The following C10orf53 variants were observed in gnomAD, a reference collection of about 807,000 sequenced individuals.
The protein encoded by C10orf53 is chromosome 10 open reading frame 53, also known as UPF0728 protein C10orf53.
In C10orf53, 8 loss-of-function variants were observed where a neutral mutation model predicts 9.4. That is an observed-to-expected ratio of 0.85 (90% CI 0.50 to 1.53). The LOEUF (loss-of-function observed/expected upper bound fraction) is 1.53. C10orf53 is among the 40% of genes most tolerant of loss of function. The pLI, the probability that C10orf53 is intolerant of heterozygous loss-of-function variation, is 0.00. For synonymous variants in C10orf53, 48 were observed against 46.0 expected (o/e 1.04, Z -0.18); for missense variants, 117 against 117.8 (o/e 0.99, Z 0.03).
At chr10:49,692,305 C>T (rs1381708032) in intron 1 of C10orf53, among the ~76,000 whole-genome samples, 1 of 152,178 alleles carries the variant, frequency 6.6e-6, no homozygotes, top group Non-Finnish European at 1.5e-5. Flanking sequence ...CTATGGGTAC[C>T]CAGGGAGTGC....
chr10:49,699,085 C>T (rs75613593), downstream of C10orf53, among the ~76,000 whole-genome samples: 6,263 of 151,668 alleles, frequency 0.041, 317 homozygotes, highest in East Asian at 0.21. Flanking sequence ...TGCTTTTTGG[C>T]CAACAGTAAA....
Position 49,694,587 on chromosome 10 carries a change from G to T in C10orf53, c.267G>T (p.Val89=), listed in dbSNP as rs781106770. ...DPLCEKARIA[V]LNAY is the part of the protein sequence containing the mutation. ...TGTGTGAAAAGGCCAGGATAGCCGT[G>T]CTGAATGCCTACTGATCTCCTCATG... The change falls in exon 3 of 3, where the codon GTG becomes GTT. Residue 89 remains valine (V), a synonymous_variant. Coordinates refer to ENST00000374111, the MANE Select transcript of C10orf53 (RefSeq NM_001042427.3). 2.1e-5 allele frequency: 34 copies of T among 1,614,246 alleles called. No individual in the cohort carries two copies. The highest frequency in any genetic ancestry group is 2.8e-5 in the Non-Finnish European group (33 of 1,180,036).
chr10:49,698,951 G>A (rs1427340790), downstream of C10orf53, among the ~76,000 whole-genome samples: 4 of 152,136 alleles, frequency 2.6e-5, no homozygotes, highest in Non-Finnish European at 5.9e-5. Flanking sequence ...GGCTAACAGC[G>A]GTGGCGGCAG....
At chr10:49,703,725 C>T (rs560757571) in intron 2 of C10orf53, among the ~76,000 whole-genome samples, 108 of 152,140 alleles carry the variant, frequency 7.1e-4, no homozygotes, top group Non-Finnish European at 1.5e-3. Context: ...TCCTTCCTCC[C>T]GCTGGATATA....
chr10:49,692,391 T>G (rs1183459989), intron 1 of C10orf53, among the ~76,000 whole-genome samples: 2 of 152,162 alleles, frequency 1.3e-5, no homozygotes, highest in Admixed American at 1.3e-4. Flanking sequence ...ATCGCGCAAT[T>G]AAAATGTTCA....
intron 1 of C10orf53, among the ~76,000 whole-genome samples, chr10:49,689,274 T>C (rs964672094): frequency 6.6e-6 from 1 of 151,884 alleles, no homozygotes; most frequent in Non-Finnish European, 1.5e-5. Flanking sequence ...ACTGGAGGCA[T>C]AAGGGGGCAA....
In C10orf53 at chr10:49,696,734, G is replaced by A. The variant is rs77350293; in HGVS notation, c.*2132G>A. On this transcript the variant is annotated 3_prime_UTR_variant, in exon 3 of 3. Coordinates refer to ENST00000374111, the MANE Select transcript of C10orf53 (RefSeq NM_001042427.3). ...ATCAGCATTGCTGGGAAAAATCACC[G>A]AGGTTTCCTCTGAGCAGTGGGATTG... Among the ~76,000 whole-genome samples the A allele has an allele frequency of 1.3e-5, 2 of 152,046 alleles. No individual in the cohort carries two copies. Among genetic ancestry groups the A allele is most frequent in the African/African-American group, 2.4e-5 (1 of 41,398 alleles).
At chr10:49,680,000 C>A (rs932397860) in intron 1 of C10orf53, among the ~76,000 whole-genome samples, 5 of 152,204 alleles carry the variant, frequency 3.3e-5, no homozygotes, top group African/African-American at 1.2e-4. Context: ...AGCTGTGGGC[C>A]CACCCAGTGC....
chr10:49,679,653 C>A lies in C10orf53; in HGVS notation c.-45C>A. On this transcript the variant is annotated 5_prime_UTR_variant, in exon 1 of 3. Coordinates refer to ENST00000374111, the MANE Select transcript of C10orf53 (RefSeq NM_001042427.3). The stretch of plus-strand genomic sequence containing the variant: ...CCGGGCCGGAAGAGAGGTTGCTTAG[C>A]AGCGTGTGTTTCTCCCTTGCCTCTG... 1 of 1,535,846 alleles carries A rather than the reference C, an allele frequency of 6.5e-7. No homozygotes were observed. The highest frequency in any genetic ancestry group is 8.8e-7 in the Non-Finnish European group (1 of 1,138,812).
chr10:49,694,424 T>C, intron 2 of C10orf53, 114 bp from the exon 3 acceptor site: 1 of 1,404,572 alleles, frequency 7.1e-7, no homozygotes, highest in Non-Finnish European at 9.8e-7. Context: ...AGTTAACATT[T>C]TACCAGCCCA....
In C10orf53 at chr10:49,691,207, C is replaced by T. The variant is rs12248521; in HGVS notation, c.98-2567C>T. Among the ~76,000 whole-genome samples, 214 of 152,318 alleles carry T rather than the reference C, an allele frequency of 1.4e-3. 1 individual carries two copies. Among genetic ancestry groups the T allele is most frequent in the African/African-American group, 5.0e-3 (207 of 41,570 alleles). On this transcript the variant is annotated intron_variant, in intron 1 of 2. Transcript: ENST00000374111. ...GCATTTGGATGAGCTGCAGGAATTCCGGGGTGTCTAGTGTTTGATCCCTTA... is the reference window on the plus strand; with the variant it reads ...GCATTTGGATGAGCTGCAGGAATTCTGGGGTGTCTAGTGTTTGATCCCTTA...
chr10:49,699,342 T>C (rs1001085849), downstream of C10orf53, among the ~76,000 whole-genome samples: 1 of 151,456 alleles, frequency 6.6e-6, no homozygotes, highest in Admixed American at 6.6e-5. Context: ...TACAGGTGCA[T>C]GCCACCATAC....
At chr10:49,707,070 T>TG (rs1554812510) in intron 2 of C10orf53, among the ~76,000 whole-genome samples, 7 of 152,070 alleles carry the variant, frequency 4.6e-5, no homozygotes, top group African/African-American at 1.7e-4. Flanking sequence ...CAAAAATTAA[T>TG]AAAAAACAAA....
At chr10:49,708,368 C>T in exon 3 of C10orf53, 9 of 1,613,902 alleles carry the variant, frequency 5.6e-6, no homozygotes, top group Non-Finnish European at 7.6e-6. Flanking sequence ...CAGGCAAGCT[C>T]ACCCCAAGTA....
rs1840551028 is a variant in C10orf53, at chr10:49,688,535, T to G, written c.98-5239T>G. Among the ~76,000 whole-genome samples the G allele has an allele frequency of 2.0e-5, 3 of 152,140 alleles. No homozygotes were observed. In the South Asian group the frequency reaches 6.2e-4, roughly 32 times the overall value. On this transcript the variant is annotated intron_variant, in intron 1 of 2. Coordinates refer to ENST00000374111, the MANE Select transcript of C10orf53 (RefSeq NM_001042427.3). ...CATGAAACAGCATGACCTTTACCCC[T>G]GAGAACATTCCAGGGGCCCCCAGCT...
rs758785042 is a variant in C10orf53 at position 49,696,673 on chromosome 10, A to C, written c.*2071A>C. Among the ~76,000 whole-genome samples, 1 of 151,644 alleles carries C rather than the reference A, an allele frequency of 6.6e-6. No homozygotes were observed. The highest frequency in any genetic ancestry group is 1.5e-5 in the Non-Finnish European group (1 of 67,950). Reference sequence around the variant, plus strand: ...GGGAGATGCCTGTGCCCAGAGCCCTATGTTTCAGTTTGGATCAGAGGCAAA... The same window carrying C: ...GGGAGATGCCTGTGCCCAGAGCCCTCTGTTTCAGTTTGGATCAGAGGCAAA... On this transcript the variant is annotated 3_prime_UTR_variant, in exon 3 of 3. Coordinates refer to ENST00000374111, the MANE Select transcript of C10orf53 (RefSeq NM_001042427.3).
downstream of C10orf53, among the ~76,000 whole-genome samples, chr10:49,702,357 G>C (rs2132890327): frequency 6.6e-6 from 1 of 152,194 alleles, no homozygotes; most frequent in Non-Finnish European, 1.5e-5. Flanking sequence ...ATTATTCTGG[G>C]AGTTTCTGTG....
At chr10:49,693,409 C>T (rs1410741947) in intron 1 of C10orf53, among the ~76,000 whole-genome samples, 3 of 152,196 alleles carry the variant, frequency 2.0e-5, no homozygotes, top group Non-Finnish European at 2.9e-5. Flanking sequence ...TTTGTACTTT[C>T]ATCAGCAGAG....
intron 2 of C10orf53, 125 bp from the exon 3 acceptor site, chr10:49,694,413 T>C (rs990460707): frequency 2.3e-6 from 3 of 1,300,756 alleles, no homozygotes; most frequent in Non-Finnish European, 2.1e-6. Flanking sequence ...TATTAAAAAC[T>C]AGTTAACATT....
Sources: gnomAD v4.1 joint callset for allele counts (sites outside exome capture counted in the v4.1 genomes callset) on GRCh38, gnomAD v4.1.1 for gene constraint, MANE v1.5 for transcripts, NCBI Gene and HGNC (gene_info 2026-07-23, HGNC 2026-07-21) for gene names.